ZNF536: variants seen among roughly 807,000 people sequenced by gnomAD.
The protein encoded by ZNF536 is zinc finger protein 536.
ZNF536 carries 13 observed loss-of-function variants against 84.5 expected under a neutral mutation model. That is an observed-to-expected ratio of 0.15 (90% confidence interval 0.10 to 0.24). The LOEUF is 0.24. Ranked by LOEUF, ZNF536 falls within the 10% of genes least tolerant of loss-of-function variation. The probability of loss-of-function intolerance (pLI) is 1.00; values close to 1 mark genes in which losing one functional copy is unlikely to be tolerated. For synonymous variants in ZNF536, 811 were observed against 742.5 expected (o/e 1.09, Z -1.50); for missense variants, 1,536 against 1,747.5 (o/e 0.88, Z 2.16).
Position 30,547,938 on chromosome 19 carries a change from T to G in ZNF536, c.2324-5T>G. The G allele has an allele frequency of 6.6e-7, 1 of 1,519,896 alleles. No individual in the cohort carries two copies. The highest frequency in any genetic ancestry group is 1.3e-5 in the South Asian group (1 of 75,564). The allele number at this position is 1,519,896 out of a possible 1,614,324, so 94.2% of individuals were successfully genotyped here. ...TCTTTTTTTTCTTATATCAAAATCT[T>G]GCAGGTGAGAAACCCTACAAGTGTC... On this transcript the variant is annotated splice_polypyrimidine_tract_variant and splice_region_variant and intron_variant, in intron 3 of 4. Coordinates refer to ENST00000355537, the MANE Select transcript of ZNF536 (RefSeq NM_014717.3).
chr19:30,402,796 A>AAAATATATATAT (rs1555744992), intron 1 of ZNF536, among the ~76,000 whole-genome samples: 1 of 85,610 alleles, frequency 1.2e-5, no homozygotes, highest in Non-Finnish European at 2.4e-5. Flanking sequence ...AAAATTAAAA[A>AAAATATATATAT]ATATATATAT....
intron 1 of ZNF536, among the ~76,000 whole-genome samples, chr19:30,682,847 T>C (rs895725659): frequency 2.6e-5 from 4 of 152,186 alleles, no homozygotes; most frequent in African/African-American, 7.2e-5. Flanking sequence ...ACCAGCACCC[T>C]CCTGAATGCC....
chr19:30,677,828 TG>T (rs2050808543), intron 1 of ZNF536, among the ~76,000 whole-genome samples: 1 of 152,014 alleles, frequency 6.6e-6, no homozygotes, highest in African/African-American at 2.4e-5. Context: ...CCCTCTGATT[TG>T]GGGGGACTTG....
At chr19:30,651,615 A>G (rs1793620965) in intron 1 of ZNF536, among the ~76,000 whole-genome samples, 1 of 152,214 alleles carries the variant, frequency 6.6e-6, no homozygotes, top group African/African-American at 2.4e-5. Flanking sequence ...ACCCCAAAAG[A>G]AAACTTCCTC....
chr19:30,279,587 C>T (rs2031238606), intron 1 of ZNF536, among the ~76,000 whole-genome samples: 1 of 152,208 alleles, frequency 6.6e-6, no homozygotes, highest in African/African-American at 2.4e-5. Flanking sequence ...GCTAGTGGAA[C>T]TTGAGAATAT....
intron 1 of ZNF536, among the ~76,000 whole-genome samples, chr19:30,254,696 C>G (rs1002518519): frequency 6.6e-6 from 1 of 151,866 alleles, no homozygotes; most frequent in Admixed American, 6.6e-5. Context: ...TCCAACTGTG[C>G]AGAGATTGGG....
intron 1 of ZNF536, among the ~76,000 whole-genome samples, chr19:30,250,036 G>A (rs1280980381): frequency 6.6e-6 from 1 of 152,190 alleles, no homozygotes; most frequent in Non-Finnish European, 1.5e-5. Flanking sequence ...GGACCCAACT[G>A]GTAATAATCG....
At chr19:30,308,056 C>G (rs942471940) in intron 2 of ZNF536, among the ~76,000 whole-genome samples, 1 of 152,168 alleles carries the variant, frequency 6.6e-6, no homozygotes, top group Admixed American at 6.5e-5. Flanking sequence ...TATGCTAAGG[C>G]CTGTATTAAC....
At chr19:30,232,554 T>C (rs1296775833) in intron 1 of ZNF536, among the ~76,000 whole-genome samples, 1 of 152,222 alleles carries the variant, frequency 6.6e-6, no homozygotes, top group Admixed American at 6.5e-5. Flanking sequence ...TGTTCCTGCG[T>C]TAATTCGCTT....
intron 2 of ZNF536, among the ~76,000 whole-genome samples, chr19:30,483,306 T>C (rs894347825): frequency 2.0e-5 from 3 of 152,176 alleles, no homozygotes; most frequent in African/African-American, 7.2e-5. Flanking sequence ...CCGGAAAACA[T>C]GGTCCTCTCC....
chr19:30,399,885 A>C (rs112379132), intron 1 of ZNF536, among the ~76,000 whole-genome samples: 2 of 151,938 alleles, frequency 1.3e-5, no homozygotes, highest in African/African-American at 2.4e-5. Context: ...ACGGGATTTC[A>C]CCATGTTGGT....
intron 1 of ZNF536, among the ~76,000 whole-genome samples, chr19:30,670,693 C>A (rs928841073): frequency 2.0e-5 from 3 of 152,204 alleles, no homozygotes; most frequent in Admixed American, 1.3e-4. Context: ...GAGACAGAGG[C>A]CTTCCTTCCC....
At chr19:30,407,445 G>C (rs113042054) in intron 1 of ZNF536, among the ~76,000 whole-genome samples, 1,676 of 152,270 alleles carry the variant, frequency 0.011, 23 homozygotes, top group African/African-American at 0.039. Flanking sequence ...CACCAGCTGG[G>C]TGTCCCCCAA....
At chr19:30,325,201 T>C (rs2046984501) in intron 2 of ZNF536, among the ~76,000 whole-genome samples, 1 of 152,208 alleles carries the variant, frequency 6.6e-6, no homozygotes, top group African/African-American at 2.4e-5. Context: ...CACTTTGCCT[T>C]CTGGGGGCTC....
At chr19:30,636,409 T>G (rs533302871) in intron 1 of ZNF536, among the ~76,000 whole-genome samples, 19 of 152,258 alleles carry the variant, frequency 1.2e-4, no homozygotes, top group Admixed American at 1.2e-3. Flanking sequence ...CATGAGGCCC[T>G]TGTCTCTTCA....
chr19:30,495,568 T>G (rs181446475), intron 2 of ZNF536, among the ~76,000 whole-genome samples: 1 of 152,142 alleles, frequency 6.6e-6, no homozygotes, highest in Non-Finnish European at 1.5e-5. Context: ...GATGGAGAGA[T>G]AGCAGGCAAA....
chr19:30,559,284 C>A (rs1213896563), downstream of ZNF536, among the ~76,000 whole-genome samples: 1 of 152,168 alleles, frequency 6.6e-6, no homozygotes, highest in Non-Finnish European at 1.5e-5. Flanking sequence ...TGATGGATCC[C>A]TAAATGCCTA....
At chr19:30,652,822 C>G (rs2049759622) in intron 1 of ZNF536, among the ~76,000 whole-genome samples, 1 of 152,146 alleles carries the variant, frequency 6.6e-6, no homozygotes, top group South Asian at 2.1e-4. Flanking sequence ...GGGGCGTGGG[C>G]TTGGGGTCAT....
At position 30,592,691 on chromosome 19, in the gene ZNF536, G is replaced by GT. The variant is rs67892314; in HGVS notation, c.169+43190dup. 2.3e-3 allele frequency among the ~76,000 whole-genome samples: 327 copies of GT among 143,000 alleles called. 1 individual carries two copies. Among genetic ancestry groups the GT allele is most frequent in the East Asian group, 0.01 (52 of 4,966 alleles). 93.8% of individuals were successfully genotyped at this position (143,000 alleles called of 152,430 possible). ...TCTCATAATCACAAATATCTTCTGG[G>GT]TTTTTTTTTTTTTCTAAGCCCAAAG... On this transcript the variant is annotated intron_variant, in intron 1 of 1. Coordinates refer to the ZNF536 transcript ENST00000592773.
Sources: gnomAD v4.1 joint callset for allele counts (sites outside exome capture counted in the v4.1 genomes callset) on GRCh38, gnomAD v4.1.1 for gene constraint, MANE v1.5 for transcripts, NCBI Gene and HGNC (gene_info 2026-07-23, HGNC 2026-07-21) for gene names.